TMCO6: variants seen among roughly 807,000 people sequenced by gnomAD.
TMCO6 encodes transmembrane and coiled-coil domain-containing protein 6.
Under a neutral mutation model 61.8 loss-of-function variants are expected in TMCO6, and 47 were observed. The observed-to-expected ratio is 0.76, with a 90% CI of 0.60 to 0.97. The LOEUF is 0.97. Ranked by LOEUF, TMCO6 falls within the 50% of genes least tolerant of loss-of-function variation. TMCO6 has a pLI of 0.00. For synonymous variants in TMCO6, 261 were observed against 254.2 expected, an observed-to-expected ratio of 1.03 and a Z score of -0.25; for missense variants, 557 against 601.6, an observed-to-expected ratio of 0.93 and a Z score of 0.78.
the TMCO6 span, among the ~76,000 whole-genome samples, chr5:140,619,943 G>T: frequency 6.6e-6 from 1 of 152,218 alleles, no homozygotes; most frequent in Non-Finnish European, 1.5e-5. Context: ...ATTGCTGGTG[G>T]AAATGCAAAA....
At chr5:140,610,296 G>T in the TMCO6 span, among the ~76,000 whole-genome samples, 8 of 151,630 alleles carry the variant, frequency 5.3e-5, no homozygotes, top group Admixed American at 5.3e-4. Flanking sequence ...GATGGAGGTT[G>T]CAGTGAGCTG....
the TMCO6 span, among the ~76,000 whole-genome samples, chr5:140,603,780 A>T: frequency 6.6e-6 from 1 of 152,144 alleles, no homozygotes; most frequent in Non-Finnish European, 1.5e-5. Context: ...TTCGGTTATT[A>T]TGAATACTGC....
the TMCO6 span, among the ~76,000 whole-genome samples, chr5:140,623,712 T>C: frequency 6.6e-6 from 1 of 152,210 alleles, no homozygotes; most frequent in African/African-American, 2.4e-5. Flanking sequence ...CTTTTTTCTC[T>C]TTTTTAAAAA....
At chr5:140,634,943 C>T (rs939501953), upstream of TMCO6, among the ~76,000 whole-genome samples, 12 of 152,134 alleles carry the variant, frequency 7.9e-5, no homozygotes, top group Middle Eastern at 3.4e-3. Context: ...CCACTACACC[C>T]GGCTAATTTT....
the TMCO6 span, among the ~76,000 whole-genome samples, chr5:140,610,662 A>G: frequency 1.3e-5 from 2 of 152,238 alleles, no homozygotes; most frequent in African/African-American, 4.8e-5. Flanking sequence ...ATGTGATTAT[A>G]TAATCTGTGA....
downstream of TMCO6, chr5:140,647,729 C>T (rs762741179): frequency 1.7e-5 from 22 of 1,321,152 alleles, no homozygotes; most frequent in Admixed American, 3.8e-4. Context: ...TATTGTAGGA[C>T]CGCTGCGAGG....
chr5:140,646,860 GAGTT>G (rs1421402763), downstream of TMCO6, among the ~76,000 whole-genome samples: 2 of 152,268 alleles, frequency 1.3e-5, no homozygotes, highest in Admixed American at 1.3e-4. Flanking sequence ...AAGATTAAAT[GAGTT>G]AGGCAGGGAA....
chr5:140,616,758 G>T, the TMCO6 span, among the ~76,000 whole-genome samples: 1 of 152,190 alleles, frequency 6.6e-6, no homozygotes, highest in African/African-American at 2.4e-5. Context: ...TAAAAAATGG[G>T]CAAAGGTCCA....
In TMCO6 at chr5:140,639,805, A is replaced by G. The variant is rs1448237875; in HGVS notation, c.152A>G (p.Glu51Gly). The change falls in exon 2 of 12, where the codon GAG becomes GGG. Residue 51 changes from glutamate to glycine, a missense_variant. Physicochemically the swap from Glu to Gly is moderately conservative, Grantham distance 98 (BLOSUM62 -2). Transcript: ENST00000394671. ...SKRLLRNDAP[E>G]EAGEGCVAAI... ...AGGCTGCTGAGAAACGACGCCCCAG[A>G]GGAAGCTGGAGAGGGATGTGTGGCT... The G allele has an allele frequency of 1.2e-6, 2 of 1,610,066 alleles. No individual in the cohort carries two copies. The highest frequency in any genetic ancestry group is 2.2e-5 in the South Asian group (2 of 89,866).
chr5:140,634,775 C>T (rs1388787985), upstream of TMCO6, among the ~76,000 whole-genome samples: 2 of 151,574 alleles, frequency 1.3e-5, no homozygotes, highest in Non-Finnish European at 2.9e-5. Flanking sequence ...CCACACCCGG[C>T]CTGAAAGTCT....
rs781463260 is a variant in TMCO6 at position 140,645,046 on chromosome 5, C to G, written c.1430C>G (p.Ala477Gly). The G allele has an allele frequency of 6.2e-7, 1 of 1,614,210 alleles. No homozygotes were observed. Among genetic ancestry groups the G allele is most frequent in the South Asian group, 1.1e-5 (1 of 91,084 alleles). The stretch of plus-strand genomic sequence containing the variant: ...GCCCTGGAAAGGCATCAGGAAGAGG[C>G]CCAGCTCCAGGATCGTGTGTATGCT... ...LQALERHQEE[A>G]QLQDRVYALQ... is the part of the protein sequence containing the mutation. Residue 477 changes from alanine to glycine, a missense_variant, in exon 12 of 12, where the codon GCC (alanine) becomes GGC (glycine). Coordinates refer to ENST00000394671, the MANE Select transcript of TMCO6 (RefSeq NM_018502.5).
the TMCO6 span, among the ~76,000 whole-genome samples, chr5:140,616,820 T>C: frequency 6.7e-6 from 1 of 149,984 alleles, no homozygotes; most frequent in Non-Finnish European, 1.5e-5. Context: ...CCAAGGCAAG[T>C]AGGTCATTTG....
the TMCO6 span, among the ~76,000 whole-genome samples, chr5:140,598,531 A>G: frequency 7.9e-5 from 12 of 152,234 alleles, no homozygotes. Flanking sequence ...TGGTTTGAAG[A>G]AATGTAACTT....
At chr5:140,638,231 T>C (rs1462117233), upstream of TMCO6, among the ~76,000 whole-genome samples, 1 of 152,182 alleles carries the variant, frequency 6.6e-6, no homozygotes, top group Non-Finnish European at 1.5e-5. Flanking sequence ...TCATACAATC[T>C]GAACTAATCC....
chr5:140,631,612 A>G, the TMCO6 span: 28 of 412,504 alleles, frequency 6.8e-5, 2 homozygotes, highest in South Asian at 1.8e-3. Context: ...AGGAGGACAG[A>G]TAGGGTTTCT....
the TMCO6 span, among the ~76,000 whole-genome samples, chr5:140,628,919 C>A: frequency 1.3e-5 from 2 of 151,742 alleles, no homozygotes; most frequent in African/African-American, 4.8e-5. Context: ...AGTGTAGATA[C>A]ACTGTACAAA....
At chr5:140,639,240 A>G, upstream of TMCO6, 1 of 380,082 alleles carries the variant, frequency 2.6e-6, no homozygotes, top group Non-Finnish European at 4.9e-6. Context: ...GAGGTCAGGG[A>G]TGAGAGACTT....
At chr5:140,638,315 T>C (rs1159061612), upstream of TMCO6, among the ~76,000 whole-genome samples, 1 of 152,070 alleles carries the variant, frequency 6.6e-6, no homozygotes, top group Non-Finnish European at 1.5e-5. Context: ...GGGGAAGGGG[T>C]GCCTGTAATG....
At chr5:140,644,274 C>G in intron 10 of TMCO6, 80 bp downstream of exon 10, 1 of 1,467,938 alleles carries the variant, frequency 6.8e-7, no homozygotes, top group Non-Finnish European at 9.5e-7. Flanking sequence ...CAGATGTACC[C>G]TTAGTTGAGA....
Sources: allele counts gnomAD v4.1 joint callset (sites outside exome capture counted in the v4.1 genomes callset), GRCh38; gene constraint gnomAD v4.1.1; transcripts MANE v1.5; gene names NCBI Gene and HGNC (gene_info 2026-07-23, HGNC 2026-07-21).